The following DAB1 variants were observed in gnomAD, a reference collection of about 807,000 sequenced individuals.
DAB1 encodes the protein DAB adaptor protein 1.
DAB1 carries 15 observed loss-of-function variants against 64.6 expected under a neutral mutation model. That is an observed-to-expected ratio of 0.23 (90% CI 0.16 to 0.36). The LOEUF (loss-of-function observed/expected upper bound fraction) is 0.36, where lower values mean the gene tolerates loss of function less well. Among genes scored for constraint, DAB1 ranks in the 10% least tolerant of loss-of-function variants. The pLI is 1.00. For synonymous variants in DAB1, 235 were observed against 251.9 expected (o/e 0.93, Z 0.64); for missense variants, 596 against 706.7 (o/e 0.84, Z 1.78).
At chr1:57,440,316 A>G (rs1685893649) in intron 7 of DAB1, among the ~76,000 whole-genome samples, 1 of 152,198 alleles carries the variant, frequency 6.6e-6, no homozygotes, top group Non-Finnish European at 1.5e-5. Context: ...AGAGAGAAAG[A>G]GCTGCATACA....
intron 2 of DAB1, among the ~76,000 whole-genome samples, chr1:57,256,509 G>A (rs1669773031): frequency 6.6e-6 from 1 of 152,102 alleles, no homozygotes; most frequent in African/African-American, 2.4e-5. Flanking sequence ...AGGCTTCCCT[G>A]TGCCACAGTC....
chr1:58,469,707 C>A (rs972749807), intron 3 of DAB1, among the ~76,000 whole-genome samples: 1 of 152,144 alleles, frequency 6.6e-6, no homozygotes, highest in African/African-American at 2.4e-5. Flanking sequence ...ATAGCAAACA[C>A]CATTATTGAG....
chr1:57,864,909 T>C (rs558345627), intron 1 of DAB1: 11 of 152,206 alleles, frequency 7.2e-5, no homozygotes, highest in Admixed American at 3.9e-4. Flanking sequence ...TATAAAGATA[T>C]CTTTAAAATA....
intron 6 of DAB1, among the ~76,000 whole-genome samples, chr1:57,789,133 C>T (rs1335952988): frequency 6.6e-6 from 1 of 152,132 alleles, no homozygotes; most frequent in Non-Finnish European, 1.5e-5. Context: ...TGAACCACAA[C>T]CTGCCCCCAG....
At chr1:58,128,367 A>G (rs375179726) in intron 5 of DAB1, among the ~76,000 whole-genome samples, 16 of 145,724 alleles carry the variant, frequency 1.1e-4, no homozygotes, top group East Asian at 6.3e-4. Context: ...GGGCTGAGAC[A>G]ATGGGGTTTT....
chr1:58,479,519 G>T (rs887347553), intron 3 of DAB1, among the ~76,000 whole-genome samples: 1 of 152,176 alleles, frequency 6.6e-6, no homozygotes, highest in South Asian at 2.1e-4. Flanking sequence ...CAGGCAGGGG[G>T]AGAGGTTCTA....
intron 7 of DAB1, among the ~76,000 whole-genome samples, chr1:57,566,248 G>C (rs901485949): frequency 6.6e-6 from 1 of 152,026 alleles, no homozygotes; most frequent in East Asian, 1.9e-4. Flanking sequence ...ACACAACATA[G>C]CAGAATCTCT....
At chr1:58,249,686 G>A (rs1216173412) in intron 4 of DAB1, among the ~76,000 whole-genome samples, 1 of 152,102 alleles carries the variant, frequency 6.6e-6, no homozygotes, top group Non-Finnish European at 1.5e-5. Flanking sequence ...GAGTCCAGTC[G>A]TCGACGCGGA....
At chr1:57,823,384 G>A (rs1368360933), downstream of DAB1, among the ~76,000 whole-genome samples, 1 of 152,090 alleles carries the variant, frequency 6.6e-6, no homozygotes, top group Non-Finnish European at 1.5e-5. Flanking sequence ...GACTGGGGAG[G>A]TTGGACACCG....
At chr1:57,620,124 G>T (rs79011181) in intron 7 of DAB1, among the ~76,000 whole-genome samples, 1 of 152,130 alleles carries the variant, frequency 6.6e-6, no homozygotes, top group African/African-American at 2.4e-5. Context: ...GTTTTCAGGG[G>T]TAGCAAAAAT....
rs544981991 is a variant in DAB1 at position 57,400,670 on chromosome 1, G to A, written c.-137+23260C>T. 1.4e-4 allele frequency among the ~76,000 whole-genome samples: 21 copies of A among 150,700 alleles called. No homozygotes were observed. The South Asian group carries it at 2.7e-3, about 20-fold the overall frequency. ...AAGTGTGGGCCCTAAATTATCTCAC[G>A]TATCCTGGCCTGTTTATTTGAGAGA... On this transcript the variant is annotated intron_variant, in intron 1 of 14. Transcript: ENST00000371236.
intron 2 of DAB1, among the ~76,000 whole-genome samples, chr1:57,222,096 A>G (rs1352934098): frequency 6.6e-6 from 1 of 152,062 alleles, no homozygotes; most frequent in Non-Finnish European, 1.5e-5. Flanking sequence ...AAATATTATT[A>G]TTGTTGTTAT....
At chr1:57,070,877 G>A in intron 7 of DAB1, 146 bp downstream of exon 7, 2 of 726,446 alleles carry the variant, frequency 2.8e-6, no homozygotes, top group East Asian at 2.5e-5. Flanking sequence ...TGCTCCTGGA[G>A]GGGCTGGCAG....
intron 2 of DAB1, among the ~76,000 whole-genome samples, chr1:57,240,063 C>A (rs1668390131): frequency 6.6e-6 from 1 of 152,160 alleles, no homozygotes; most frequent in South Asian, 2.1e-4. Context: ...CCACACTAAG[C>A]TTAGACGTAA....
intron 7 of DAB1, among the ~76,000 whole-genome samples, chr1:57,465,165 A>G (rs1558405804): frequency 6.6e-6 from 1 of 152,152 alleles, no homozygotes; most frequent in Non-Finnish European, 1.5e-5. Context: ...AGGGTTTTAC[A>G]AGCAGATTAA....
chr1:57,009,824 A>T (rs914240912), intron 14 of DAB1, among the ~76,000 whole-genome samples: 1 of 152,198 alleles, frequency 6.6e-6, no homozygotes, highest in Non-Finnish European at 1.5e-5. Flanking sequence ...ATCAAATCAG[A>T]TGTATTGAAA....
At chr1:57,476,033 T>G (rs1219767656) in intron 7 of DAB1, among the ~76,000 whole-genome samples, 1 of 152,028 alleles carries the variant, frequency 6.6e-6, no homozygotes, top group Non-Finnish European at 1.5e-5. Context: ...GAGACCAGCC[T>G]GGCCAATATT....
At chr1:57,535,470 C>CTTTTTTTTT (rs11358277) in intron 7 of DAB1, among the ~76,000 whole-genome samples, 1 of 130,502 alleles carries the variant, frequency 7.7e-6, no homozygotes. Flanking sequence ...GTTGGACATT[C>CTTTTTTTTT]TTTTTTTTTT....
At chr1:58,431,558 GAAAAAAA>G (rs66832530) in intron 3 of DAB1, among the ~76,000 whole-genome samples, 8 of 76,280 alleles carry the variant, frequency 1.0e-4, no homozygotes, top group South Asian at 5.2e-4. Flanking sequence ...ACTCCATCTG[GAAAAAAA>G]AAAAAAAAAA....
Sources: allele counts gnomAD v4.1 joint callset (sites outside exome capture counted in the v4.1 genomes callset), GRCh38; gene constraint gnomAD v4.1.1; transcripts MANE v1.5; gene names NCBI Gene and HGNC (gene_info 2026-07-23, HGNC 2026-07-21).